The following NALCN variants were observed in gnomAD, a reference collection of about 807,000 sequenced individuals.
NALCN encodes the protein sodium leak channel NALCN.
NALCN carries 111 observed loss-of-function variants against 225.3 expected under a neutral mutation model. The ratio of observed to expected loss-of-function variants is 0.49; its 90% CI spans 0.42 to 0.58. The LOEUF (loss-of-function observed/expected upper bound fraction) is 0.58. Ranked by LOEUF, NALCN falls within the 20% of genes least tolerant of loss-of-function variation. The pLI is 0.00. For synonymous variants in NALCN, 764 were observed against 769.0 expected (o/e 0.99, Z 0.11); for missense variants, 1,378 against 2,202.4 (o/e 0.63, Z 7.49).
intron 1 of NALCN, among the ~76,000 whole-genome samples, chr13:101,407,105 G>T (rs2047646880): frequency 6.6e-5 from 10 of 152,142 alleles, no homozygotes; most frequent in Admixed American, 6.5e-4. Context: ...AAAATCCAAA[G>T]CCCAGAACAC....
At chr13:101,144,423 T>C (rs1196142594) in intron 16 of NALCN, among the ~76,000 whole-genome samples, 1 of 152,208 alleles carries the variant, frequency 6.6e-6, no homozygotes, top group Non-Finnish European at 1.5e-5. Flanking sequence ...CTGAGATTGA[T>C]GTCTACCTGC....
At chr13:101,161,534 C>T (rs547837465) in intron 15 of NALCN, among the ~76,000 whole-genome samples, 1 of 152,302 alleles carries the variant, frequency 6.6e-6, no homozygotes. Flanking sequence ...CACTGCCTCC[C>T]ATCTTATAAG....
chr13:101,401,567 G>A (rs973926928), intron 1 of NALCN, among the ~76,000 whole-genome samples: 3 of 152,070 alleles, frequency 2.0e-5, no homozygotes, highest in African/African-American at 7.2e-5. Context: ...TTATCAATAC[G>A]CCACCTAAAG....
At chr13:101,058,358 C>A in intron 42 of NALCN, 1 of 215,922 alleles carries the variant, frequency 4.6e-6, no homozygotes. Context: ...TCTTCGCTGG[C>A]AAACCAGGGG....
At chr13:101,072,419 A>C (rs576803218) in intron 37 of NALCN, among the ~76,000 whole-genome samples, 1 of 152,350 alleles carries the variant, frequency 6.6e-6, no homozygotes, top group African/African-American at 2.4e-5. Context: ...CACAAGACTT[A>C]AGTCATCAAA....
chr13:101,181,067 G>A (rs530649751), intron 14 of NALCN: 6 of 518,432 alleles, frequency 1.2e-5, no homozygotes, highest in South Asian at 7.0e-5. Context: ...TGGGCACATG[G>A]GCCAGGGGGG....
chr13:101,080,620 A>G (rs1229046326), intron 34 of NALCN, among the ~76,000 whole-genome samples: 1 of 144,184 alleles, frequency 6.9e-6, no homozygotes, highest in African/African-American at 2.5e-5. Flanking sequence ...TAATCAATTA[A>G]ATTAATTATT....
rs1301950323 is a variant in NALCN at position 101,399,061 on chromosome 13, C to T, written c.66G>A (p.Glu22=). 1.9e-6 allele frequency: 3 copies of T among 1,613,306 alleles called. No individual in the cohort carries two copies. Among genetic ancestry groups the T allele is most frequent in the African/African-American group, 2.7e-5 (2 of 74,888 alleles). The change falls in exon 2 of 44, where the codon GAG becomes GAA. Residue 22 remains glutamate (E), a synonymous_variant. Coordinates refer to ENST00000251127, the MANE Select transcript of NALCN (RefSeq NM_052867.4). ...AQPVTDFGPD[E]SLSDNADILW... is the part of the protein sequence containing the mutation. ...GGATGTCAGCATTATCCGACAGAGACTCATCAGGACCAAAGTCAGTGACTG... is the reference window on the plus strand; with the variant it reads ...GGATGTCAGCATTATCCGACAGAGATTCATCAGGACCAAAGTCAGTGACTG...
intron 10 of NALCN, among the ~76,000 whole-genome samples, chr13:101,262,637 T>C (rs2042467728): frequency 6.6e-6 from 1 of 152,240 alleles, no homozygotes; most frequent in Non-Finnish European, 1.5e-5. Context: ...TGTGGATTTA[T>C]GTCTTAAGCA....
intron 28 of NALCN, among the ~76,000 whole-genome samples, chr13:101,091,329 C>T (rs891961386): frequency 2.0e-5 from 3 of 152,088 alleles, no homozygotes; most frequent in Non-Finnish European, 2.9e-5. Context: ...GGACAGGCAA[C>T]GCTCTAGGGA....
intron 10 of NALCN, among the ~76,000 whole-genome samples, chr13:101,266,040 G>A (rs897119388): frequency 1.3e-5 from 2 of 152,198 alleles, no homozygotes; most frequent in African/African-American, 2.4e-5. Flanking sequence ...TTTAAATCTT[G>A]TCTCTGTGCT....
chr13:101,235,944 A>G (rs2041538196), intron 12 of NALCN, among the ~76,000 whole-genome samples: 1 of 152,188 alleles, frequency 6.6e-6, no homozygotes, highest in African/African-American at 2.4e-5. Context: ...TAAAGTTGCA[A>G]TGCATGTTCT....
At chr13:101,191,736 C>T (rs1355120004) in intron 14 of NALCN, among the ~76,000 whole-genome samples, 181 bp downstream of exon 14, 2 of 152,106 alleles carry the variant, frequency 1.3e-5, no homozygotes, top group Admixed American at 1.3e-4. Context: ...TCTAACTTAA[C>T]AAATCAAGCA....
intron 7 of NALCN, among the ~76,000 whole-genome samples, chr13:101,322,739 G>T (rs9585667): frequency 0.035 from 5,387 of 152,024 alleles, 291 homozygotes; most frequent in African/African-American, 0.12. Context: ...TTGAGACAGA[G>T]TCTCACTCTG....
chr13:101,391,479 T>G (rs1301872609), intron 3 of NALCN, among the ~76,000 whole-genome samples: 3 of 147,668 alleles, frequency 2.0e-5, no homozygotes, highest in African/African-American at 5.0e-5. Context: ...GTCTGGGAGT[T>G]GGAGACCAGC....
At chr13:101,268,542 A>T (rs1165474182) in intron 10 of NALCN, among the ~76,000 whole-genome samples, 1 of 152,154 alleles carries the variant, frequency 6.6e-6, no homozygotes, top group Non-Finnish European at 1.5e-5. Flanking sequence ...GGTCATATAT[A>T]TTACATATAG....
At chr13:101,149,545 G>T (rs139682176) in intron 15 of NALCN, among the ~76,000 whole-genome samples, 181 of 152,326 alleles carry the variant, frequency 1.2e-3, no homozygotes, top group African/African-American at 4.3e-3. Context: ...AGTAGAAATA[G>T]AACTCTTTGT....
intron 27 of NALCN, 76 bp from the exon 28 acceptor site, chr13:101,095,756 CTT>C: frequency 2.5e-6 from 3 of 1,222,208 alleles, no homozygotes; most frequent in Non-Finnish European, 3.5e-6. Flanking sequence ...ATAGGAAACT[CTT>C]TCTTCTTTCA....
chr13:101,345,737 AATATATATATATATATAT>A (rs10560892), intron 6 of NALCN, among the ~76,000 whole-genome samples: 3 of 86,670 alleles, frequency 3.5e-5, no homozygotes, highest in African/African-American at 4.7e-5. Flanking sequence ...CAGCAAAGAG[AATATATATATATATATAT>A]ATATATATAT....
Sources: allele counts gnomAD v4.1 joint callset (sites outside exome capture counted in the v4.1 genomes callset), GRCh38; gene constraint gnomAD v4.1.1; transcripts MANE v1.5; gene names NCBI Gene and HGNC (gene_info 2026-07-23, HGNC 2026-07-21).